NSD1: variants seen among roughly 807,000 people sequenced by gnomAD.
NSD1 encodes histone-lysine N-methyltransferase, H3 lysine-36 specific.
In NSD1, 26 loss-of-function variants were observed where a neutral mutation model predicts 242.7. The observed-to-expected ratio is 0.11, with a 90% CI of 0.08 to 0.15. The LOEUF (loss-of-function observed/expected upper bound fraction) is 0.15. NSD1 is among the 10% of genes least tolerant of loss of function. NSD1 has a pLI of 1.00. For missense variants in NSD1, 2,495 were observed against 3,272.8 expected (o/e 0.76, Z 5.80); for synonymous variants, 1,106 against 1,178.1 (o/e 0.94, Z 1.25).
rs757512696 is a variant in NSD1 at position 177,209,828 on chromosome 5, A to G, written c.1429A>G (p.Lys477Glu). The change falls in exon 5 of 23, where the codon AAA (lysine) becomes GAA (glutamate). Residue 477 changes from lysine (K) to glutamate (E), a missense_variant. Lys to Glu is a moderately conservative substitution (Grantham distance 56). This residue lies in a region of NSD1 where 515 missense variants were observed against 467.0 expected (regional missense o/e 1.10). Transcript: ENST00000439151. ...EHDLLLNGCL[K>E]SLAFDSEHSA... ...TGACCTGTTGCTTAATGGCTGTTTG[A>G]AATCACTGGCTTTTGATTCTGAACA... 4.3e-6 allele frequency: 7 copies of G among 1,614,066 alleles called. No homozygotes were observed. In the African/African-American group the frequency reaches 9.3e-5, roughly 22 times the overall value.
At chr5:177,213,206 A>G (rs1286276314) in intron 5 of NSD1, among the ~76,000 whole-genome samples, 1 of 152,252 alleles carries the variant, frequency 6.6e-6, no homozygotes, top group Non-Finnish European at 1.5e-5. Context: ...GTGTGTATAC[A>G]TGTATATACA....
At chr5:177,204,682 A>T (rs1306761658) in intron 4 of NSD1, among the ~76,000 whole-genome samples, 2 of 152,104 alleles carry the variant, frequency 1.3e-5, no homozygotes, top group African/African-American at 4.8e-5. Flanking sequence ...AGCAGAGAGG[A>T]GGCAGGGAAG....
At chr5:177,163,138 G>A (rs1758891466) in intron 2 of NSD1, among the ~76,000 whole-genome samples, 1 of 146,266 alleles carries the variant, frequency 6.8e-6, no homozygotes, top group Non-Finnish European at 1.5e-5. Context: ...TTAATGAAAT[G>A]TCTCTTTTTT....
chr5:177,245,756 C>T (rs1025727906), intron 9 of NSD1, among the ~76,000 whole-genome samples: 1 of 151,608 alleles, frequency 6.6e-6, no homozygotes, highest in Non-Finnish European at 1.5e-5. Flanking sequence ...CTGCCTCAGC[C>T]TCCTGAGTAG....
chr5:177,298,717 CT>C lies in NSD1; in HGVS notation c.*3259del. ...CCCTTCCCAGGCTCGGCACTGTCTG[CT>C]CACTGGAGCCGGACTCCCAGGTTGT... is the stretch of plus-strand genomic sequence containing the variant. On this transcript the variant is annotated 3_prime_UTR_variant, in exon 23 of 23. Transcript: ENST00000439151. 4.3e-6 allele frequency: 1 copy of C among 233,300 alleles called. No homozygotes were observed. 14.5% of individuals were successfully genotyped at this position (233,300 alleles called of 1,614,324 possible). A position where few individuals can be genotyped will look rare whatever the true frequency, so the allele number is the denominator to read the frequency against.
intron 3 of NSD1, among the ~76,000 whole-genome samples, chr5:177,197,800 G>A (rs1416802974): frequency 2.0e-5 from 3 of 152,120 alleles, no homozygotes; most frequent in African/African-American, 4.8e-5. Context: ...TTTGCTGAGT[G>A]TTGCCTAGAG....
intron 5 of NSD1, among the ~76,000 whole-genome samples, chr5:177,230,096 C>CA (rs1764942260): frequency 6.6e-6 from 1 of 151,980 alleles, no homozygotes; most frequent in African/African-American, 2.4e-5. Flanking sequence ...GTTTCACTTA[C>CA]AATATGTTAC....
intron 11 of NSD1, 127 bp from the exon 12 acceptor site, chr5:177,251,603 C>CCCTTGCCTCTTTCTCACCT: frequency 1.2e-6 from 1 of 866,090 alleles, no homozygotes; most frequent in Non-Finnish European, 1.9e-6. Context: ...CAACTACGGG[C>CCCTTGCCTCTTTCTCACCT]CCTTGCCTCT....
intron 2 of NSD1, among the ~76,000 whole-genome samples, chr5:177,159,471 C>T (rs187431677): frequency 8.6e-5 from 13 of 151,798 alleles, no homozygotes; most frequent in East Asian, 3.9e-4. Flanking sequence ...TTAGTAGAGA[C>T]GAGGTTTCAC....
intron 20 of NSD1, among the ~76,000 whole-genome samples, chr5:177,287,656 G>GA (rs921620986): frequency 3.0e-4 from 45 of 149,754 alleles, no homozygotes; most frequent in African/African-American, 4.2e-4. Flanking sequence ...AAAGAAAAAA[G>GA]AAAAAAAAAC....
At chr5:177,146,992 G>A (rs1757302531) in intron 2 of NSD1, among the ~76,000 whole-genome samples, 1 of 137,916 alleles carries the variant, frequency 7.3e-6, no homozygotes, top group African/African-American at 2.7e-5. Flanking sequence ...GGGTGACAGA[G>A]TATGTCTCTG....
At chr5:177,224,141 C>G (rs1764453214) in intron 5 of NSD1, among the ~76,000 whole-genome samples, 1 of 152,076 alleles carries the variant, frequency 6.6e-6, no homozygotes, top group South Asian at 2.1e-4. Context: ...CATTTTGGCT[C>G]TTTTGCATCT....
At chr5:177,203,877 A>T (rs1356319918) in intron 3 of NSD1, among the ~76,000 whole-genome samples, 1 of 152,136 alleles carries the variant, frequency 6.6e-6, no homozygotes, top group Admixed American at 6.6e-5. Flanking sequence ...GCTGGTTTTG[A>T]AGCTATACCA....
intron 2 of NSD1, among the ~76,000 whole-genome samples, chr5:177,188,279 A>C (rs553499177): frequency 1.3e-5 from 2 of 152,056 alleles, no homozygotes; most frequent in African/African-American, 4.8e-5. Context: ...TCTTATTTTC[A>C]TGTTTAGAAG....
At chr5:177,202,425 G>T (rs1762580317) in intron 3 of NSD1, among the ~76,000 whole-genome samples, 1 of 152,006 alleles carries the variant, frequency 6.6e-6, no homozygotes, top group Non-Finnish European at 1.5e-5. Context: ...TACTGCCAGG[G>T]TGGAGTGCAG....
chr5:177,270,802 G>T (rs1413650681), intron 16 of NSD1, among the ~76,000 whole-genome samples: 1 of 152,170 alleles, frequency 6.6e-6, no homozygotes, highest in African/African-American at 2.4e-5. Flanking sequence ...TTTAACAAAG[G>T]TTCTGTTTGC....
chr5:177,145,648 C>G (rs981504374), intron 2 of NSD1, among the ~76,000 whole-genome samples: 1 of 152,134 alleles, frequency 6.6e-6, no homozygotes, highest in African/African-American at 2.4e-5. Flanking sequence ...CGTGGTGGCT[C>G]ACGCCTGTAA....
In NSD1 at chr5:177,292,206, C is replaced by T. The variant is rs368652759; in HGVS notation, c.6463+48C>T. On this transcript the variant is annotated intron_variant, in intron 22 of 22. Transcript: ENST00000439151. ...ACCGCTACTCGTTCTCTCCATCATA[C>T]TCAGGGTCTCATGCCATTTGCATCA... 2.5e-6 allele frequency: 4 copies of T among 1,582,756 alleles called. No individual in the cohort carries two copies. In the African/African-American group the frequency reaches 4.0e-5, roughly 16 times the overall value.
Position 177,269,224 on chromosome 5 carries a change from G to GT in NSD1, c.5304-377dup, listed in dbSNP as rs1238953162. Among the ~76,000 whole-genome samples the GT allele has an allele frequency of 6.6e-6, 1 of 152,062 alleles. No homozygotes were observed. Among genetic ancestry groups the GT allele is most frequent in the East Asian group, 1.9e-4 (1 of 5,202 alleles). On this transcript the variant is annotated intron_variant, in intron 15 of 22. Transcript: ENST00000439151. This position sits in a 1 kb window ranked among gnomAD's most constrained non-coding sequence, Gnocchi z 5.1. ...ACCAAATTGTATTTTATTTTGTATA[G>GT]TGTACCATGGATAATACTATTATTT...
Sources: allele counts gnomAD v4.1 joint callset (sites outside exome capture counted in the v4.1 genomes callset), GRCh38; gene constraint gnomAD v4.1.1; regional missense constraint gnomAD v4.1.1; non-coding constraint Gnocchi (gnomAD v3.1); transcripts MANE v1.5; gene names NCBI Gene and HGNC (gene_info 2026-07-23, HGNC 2026-07-21).